The following RNF216 variants were observed in gnomAD, a reference collection of about 807,000 sequenced individuals.
RNF216 encodes the protein E3 ubiquitin-protein ligase RNF216.
In RNF216, 72 loss-of-function variants were observed where a neutral mutation model predicts 110.8. That is an observed-to-expected ratio of 0.65 (90% CI 0.54 to 0.79). The LOEUF is 0.79. RNF216 is among the 30% of genes least tolerant of loss of function. The probability of loss-of-function intolerance (pLI) is 0.00; values close to 1 mark genes in which losing one functional copy is unlikely to be tolerated. For synonymous variants in RNF216, 495 were observed against 407.5 expected (o/e 1.21, Z -2.59); for missense variants, 1,342 against 1,141.2 (o/e 1.18, Z -2.54).
At chr7:5,729,649 C>CA in intron 6 of RNF216, 53 bp from the exon 7 acceptor site, 1 of 1,395,668 alleles carries the variant, frequency 7.2e-7, no homozygotes, top group Non-Finnish European at 1.0e-6. Flanking sequence ...ATTTCCCATA[C>CA]AGGGGAAATC....
In RNF216 at chr7:5,725,498, AG is replaced by A. The variant is rs796929036; in HGVS notation, c.1390-61del. Reference sequence around the variant, plus strand: ...AATAGAAAATAAGAATACACGAGACAGGCAATCCCTGAATGCCATTTTAACA... The same window carrying A: ...AATAGAAAATAAGAATACACGAGACAGCAATCCCTGAATGCCATTTTAACA... On this transcript the variant is annotated intron_variant, in intron 7 of 16. Coordinates refer to ENST00000389902, the MANE Select transcript of RNF216 (RefSeq NM_207111.4). 109 of 964,618 alleles carry A rather than the reference AG, an allele frequency of 1.1e-4. No individual in the cohort carries two copies. The African/African-American group carries it at 1.7e-3, about 15-fold the overall frequency. 59.8% of individuals were successfully genotyped at this position (964,618 alleles called of 1,614,324 possible). A position where few individuals can be genotyped will look rare whatever the true frequency, so the allele number is the denominator to read the frequency against.
At chr7:5,668,109 A>G (rs1485094165) in intron 13 of RNF216, among the ~76,000 whole-genome samples, 4 of 152,244 alleles carry the variant, frequency 2.6e-5, no homozygotes, top group Non-Finnish European at 4.4e-5. Context: ...GATATCAGAC[A>G]GGACATCTTG....
rs1308347341 is a variant in RNF216, at chr7:5,681,584, C to T, written c.2062-29074G>A. ...TCTTCCTCCTCCTTGATTAACCCTA[C>T]CCACTGACCACACTGACAACCTTTC... On this transcript the variant is annotated intron_variant, in intron 13 of 16. Coordinates refer to ENST00000389902, the MANE Select transcript of RNF216 (RefSeq NM_207111.4). Among the ~76,000 whole-genome samples, 3 of 152,174 alleles carry T rather than the reference C, an allele frequency of 2.0e-5. No individual in the cohort carries two copies. The East Asian group carries it at 5.8e-4, about 29-fold the overall frequency.
At chr7:5,695,447 C>T (rs1035604495) in intron 13 of RNF216, among the ~76,000 whole-genome samples, 2 of 152,234 alleles carry the variant, frequency 1.3e-5, no homozygotes, top group African/African-American at 4.8e-5. Context: ...GCTGCTGCTG[C>T]CTCGGAGCCC....
At chr7:5,625,798 A>G (rs1425472992) in intron 15 of RNF216, among the ~76,000 whole-genome samples, 2 of 152,236 alleles carry the variant, frequency 1.3e-5, no homozygotes, top group Non-Finnish European at 2.9e-5. Flanking sequence ...TGGTAGATGA[A>G]AGATTCTTAG....
intron 15 of RNF216, among the ~76,000 whole-genome samples, chr7:5,636,567 A>G (rs538137315): frequency 1.3e-5 from 2 of 152,302 alleles, no homozygotes; most frequent in South Asian, 4.1e-4. Flanking sequence ...GGCTTGTGTG[A>G]CAGTGCATGC....
intron 7 of RNF216, among the ~76,000 whole-genome samples, chr7:5,728,805 G>A (rs933910783): frequency 7.9e-5 from 12 of 152,176 alleles, no homozygotes; most frequent in Non-Finnish European, 1.5e-4. Flanking sequence ...CAGTAAGAGC[G>A]ACCAAGAGGA....
intron 13 of RNF216, among the ~76,000 whole-genome samples, chr7:5,681,595 C>T (rs1790655033): frequency 6.6e-6 from 1 of 152,236 alleles, no homozygotes; most frequent in African/African-American, 2.4e-5. Flanking sequence ...CCACTGACCA[C>T]ACTGACAACC....
intron 3 of RNF216, among the ~76,000 whole-genome samples, chr7:5,743,169 CA>C (rs1794855688): frequency 6.6e-6 from 1 of 151,896 alleles, no homozygotes. Context: ...GCTGACGGAG[CA>C]GAATTGCTTG....
At chr7:5,679,259 C>A (rs561619816) in intron 13 of RNF216, among the ~76,000 whole-genome samples, 1 of 152,198 alleles carries the variant, frequency 6.6e-6, no homozygotes, top group Admixed American at 6.5e-5. Context: ...GGCATCTGAA[C>A]ATGGCCATGC....
At chr7:5,676,449 C>T (rs1405878586) in intron 13 of RNF216, among the ~76,000 whole-genome samples, 2 of 152,210 alleles carry the variant, frequency 1.3e-5, no homozygotes, top group Non-Finnish European at 2.9e-5. Flanking sequence ...AGTCAAGCCC[C>T]ATCTGTGAGA....
rs1786449149 is a variant in RNF216 at position 5,622,730 on chromosome 7, G to A, written c.*130C>T. 1 of 914,392 alleles carries A rather than the reference G, an allele frequency of 1.1e-6. No homozygotes were observed. The highest frequency in any genetic ancestry group is 1.6e-6 in the Non-Finnish European group (1 of 607,572). 56.6% of individuals were successfully genotyped at this position (914,392 alleles called of 1,614,324 possible). A position where few individuals can be genotyped will look rare whatever the true frequency, so the allele number is the denominator to read the frequency against. Reference sequence around the variant, plus strand: ...AGTAGCCCTTCTAGGAAAGGGGTGGGAAGAAAACCAGCCTACCCTTCAAGC... The same window carrying A: ...AGTAGCCCTTCTAGGAAAGGGGTGGAAAGAAAACCAGCCTACCCTTCAAGC... On this transcript the variant is annotated 3_prime_UTR_variant, in exon 17 of 17. Transcript: ENST00000389902.
Position 5,712,338 on chromosome 7 carries a change from T to C in RNF216, c.1982+377A>G, listed in dbSNP as rs946009093. Among the ~76,000 whole-genome samples the C allele has an allele frequency of 5.9e-5, 9 of 152,194 alleles. No individual in the cohort carries two copies. The South Asian group carries it at 1.9e-3, about 32-fold the overall frequency. On this transcript the variant is annotated intron_variant, in intron 12 of 16. Coordinates refer to ENST00000389902, the MANE Select transcript of RNF216 (RefSeq NM_207111.4). ...CTACTAAAAATAAGCTGGAATGTGG[T>C]GGTGCACGCCTGTAATCCAGGCTAC...
intron 13 of RNF216, among the ~76,000 whole-genome samples, chr7:5,656,888 C>T (rs751095196): frequency 3.4e-4 from 51 of 152,052 alleles, no homozygotes; most frequent in Non-Finnish European, 4.6e-4. Flanking sequence ...CAAATGTATC[C>T]GGCCACCACC....
chr7:5,729,593 G>A lies in RNF216; in HGVS notation c.1228C>T (p.Pro410Ser). 12 of 1,613,502 alleles carry A rather than the reference G, an allele frequency of 7.4e-6. No homozygotes were observed. Among genetic ancestry groups the A allele is most frequent in the East Asian group, 2.2e-5 (1 of 44,884 alleles). The change falls in exon 7 of 17, where the codon CCT becomes TCT. Residue 410 changes from proline (P) to serine (S), a missense_variant. Coordinates refer to ENST00000389902, the MANE Select transcript of RNF216 (RefSeq NM_207111.4). ...LLASQDETKL[P>S]KIDFFDYSKL... The stretch of plus-strand genomic sequence containing the variant: ...GAATAGTCAAAAAAGTCTATTTTAG[G>A]CAACTGAAATGAGAGAGAAGCATAA...
intron 5 of RNF216, among the ~76,000 whole-genome samples, chr7:5,739,041 G>T (rs999438421): frequency 3.9e-5 from 6 of 152,196 alleles, no homozygotes; most frequent in African/African-American, 1.4e-4. Flanking sequence ...GTAGGATGGT[G>T]GGTGCCACTG....
intron 2 of RNF216, among the ~76,000 whole-genome samples, chr7:5,759,633 C>T (rs867680634): frequency 1.5e-5 from 2 of 131,152 alleles, no homozygotes; most frequent in African/African-American, 5.7e-5. Context: ...CATTTTTCTT[C>T]TTTTTTTTTT....
intron 13 of RNF216, among the ~76,000 whole-genome samples, chr7:5,682,401 T>C (rs2128606334): frequency 6.6e-6 from 1 of 151,664 alleles, no homozygotes; most frequent in East Asian, 1.9e-4. Context: ...AGTTTTACTT[T>C]CATTTTTTTT....
chr7:5,651,555 C>T (rs1183455507), intron 14 of RNF216, among the ~76,000 whole-genome samples: 1 of 152,038 alleles, frequency 6.6e-6, no homozygotes, highest in Non-Finnish European at 1.5e-5. Context: ...TGAATAACGT[C>T]AGGAGATAGA....
Sources: gnomAD v4.1 joint callset for allele counts (sites outside exome capture counted in the v4.1 genomes callset) on GRCh38, gnomAD v4.1.1 for gene constraint, MANE v1.5 for transcripts, NCBI Gene and HGNC (gene_info 2026-07-23, HGNC 2026-07-21) for gene names.